TMEM117: variants seen among roughly 807,000 people sequenced by gnomAD.
The protein encoded by TMEM117 is transmembrane protein 117.
TMEM117 carries 27 observed loss-of-function variants against 52.4 expected under a neutral mutation model. The observed-to-expected ratio is 0.51, with a 90% CI of 0.38 to 0.71. The LOEUF (loss-of-function observed/expected upper bound fraction) is 0.71, where lower values mean the gene tolerates loss of function less well. Among genes scored for constraint, TMEM117 ranks in the 30% least tolerant of loss-of-function variants. The pLI is 0.00. For missense variants in TMEM117, 556 were observed against 630.5 expected (o/e 0.88, Z 1.26); for synonymous variants, 215 against 206.3 (o/e 1.04, Z -0.36).
intron 3 of TMEM117, among the ~76,000 whole-genome samples, chr12:44,003,085 T>G (rs1050941607): frequency 3.3e-5 from 5 of 152,200 alleles, no homozygotes; most frequent in Non-Finnish European, 5.9e-5. Context: ...CCCATTCTTC[T>G]GGGAACAGTG....
chr12:44,274,916 C>A (rs1243226004), intron 5 of TMEM117, among the ~76,000 whole-genome samples: 1 of 151,862 alleles, frequency 6.6e-6, no homozygotes, highest in Non-Finnish European at 1.5e-5. Context: ...GGAGTAATAC[C>A]CCAGAAGCAA....
chr12:44,031,776 A>G (rs1404883474), intron 3 of TMEM117, among the ~76,000 whole-genome samples: 1 of 152,202 alleles, frequency 6.6e-6, no homozygotes, highest in Non-Finnish European at 1.5e-5. Context: ...AGTATCCTTA[A>G]TTTATGGCAA....
chr12:44,322,203 C>T (rs558272773), intron 6 of TMEM117, among the ~76,000 whole-genome samples: 22 of 152,270 alleles, frequency 1.4e-4, no homozygotes, highest in Admixed American at 5.2e-4. Flanking sequence ...GTTGTTACTT[C>T]GTAGCATGGC....
intron 7 of TMEM117, among the ~76,000 whole-genome samples, chr12:44,383,230 T>C (rs1952044283): frequency 6.6e-6 from 1 of 152,176 alleles, no homozygotes; most frequent in African/African-American, 2.4e-5. Flanking sequence ...ATTAAAAATA[T>C]TATATTTGCA....
intron 3 of TMEM117, among the ~76,000 whole-genome samples, chr12:44,050,636 T>C (rs898055335): frequency 6.6e-6 from 1 of 152,182 alleles, no homozygotes; most frequent in African/African-American, 2.4e-5. Flanking sequence ...AAATCTAACA[T>C]TGATGAAACA....
intron 2 of TMEM117, among the ~76,000 whole-genome samples, chr12:43,875,896 T>A: frequency 6.6e-6 from 1 of 152,174 alleles, no homozygotes; most frequent in East Asian, 1.9e-4. Flanking sequence ...TCCACAAGCT[T>A]CATCTGGAAA....
intron 5 of TMEM117, among the ~76,000 whole-genome samples, chr12:44,241,599 C>T (rs904642251): frequency 6.6e-6 from 1 of 151,820 alleles, no homozygotes; most frequent in African/African-American, 2.4e-5. Context: ...TTATGAAAAA[C>T]ATTTTCTCTT....
At chr12:43,968,024 T>C (rs1291537957) in intron 3 of TMEM117, among the ~76,000 whole-genome samples, 1 of 152,238 alleles carries the variant, frequency 6.6e-6, no homozygotes, top group Non-Finnish European at 1.5e-5. Context: ...TATTTTCTTC[T>C]ATGTTTATGG....
chr12:44,309,713 T>G (rs1305547574), intron 6 of TMEM117, among the ~76,000 whole-genome samples: 1 of 148,674 alleles, frequency 6.7e-6, no homozygotes, highest in Non-Finnish European at 1.5e-5. Context: ...ACTTTACAAA[T>G]GAGAAGAAAA....
In TMEM117 at chr12:44,081,856, A is replaced by T. The variant is rs17094057; in HGVS notation, c.411-61669A>T. ...AATAAAATCTCATCAGCATAATTTAATGTCACATATACAGTATTAGGTTTT... is the reference window on the plus strand; with the variant it reads ...AATAAAATCTCATCAGCATAATTTATTGTCACATATACAGTATTAGGTTTT... On this transcript the variant is annotated intron_variant, in intron 3 of 7. Transcript: ENST00000266534. Among the ~76,000 whole-genome samples, 357 of 152,176 alleles carry T rather than the reference A, an allele frequency of 2.3e-3. 12 individuals carry two copies. The East Asian group carries it at 0.035, about 15-fold the overall frequency.
At chr12:44,107,807 G>A (rs1358464257) in intron 3 of TMEM117, among the ~76,000 whole-genome samples, 1 of 152,082 alleles carries the variant, frequency 6.6e-6, no homozygotes, top group African/African-American at 2.4e-5. Flanking sequence ...TTTGTGGACA[G>A]ATGGCAAAAA....
chr12:44,181,424 T>G (rs1362811403), intron 4 of TMEM117, among the ~76,000 whole-genome samples: 3 of 151,630 alleles, frequency 2.0e-5, no homozygotes, highest in Non-Finnish European at 4.4e-5. Flanking sequence ...ATGAAGTCCT[T>G]GCCCATGCCT....
intron 5 of TMEM117, among the ~76,000 whole-genome samples, chr12:44,269,384 C>T (rs1007803368): frequency 7.9e-5 from 12 of 151,948 alleles, no homozygotes; most frequent in African/African-American, 2.7e-4. Flanking sequence ...AAAATGTATC[C>T]GTTTCACACA....
intron 5 of TMEM117, among the ~76,000 whole-genome samples, chr12:44,235,987 G>A (rs1233063216): frequency 6.6e-6 from 1 of 151,732 alleles, no homozygotes. Flanking sequence ...TGGCCGCTTA[G>A]TCTGTCCTTT....
At chr12:43,820,851 C>T in the TMEM117 span, among the ~76,000 whole-genome samples, 5 of 151,852 alleles carry the variant, frequency 3.3e-5, no homozygotes, top group African/African-American at 1.2e-4. Context: ...CCTGTAATCC[C>T]AGCACTTTGG....
At chr12:44,041,821 C>G (rs570357804) in intron 3 of TMEM117, among the ~76,000 whole-genome samples, 2 of 152,206 alleles carry the variant, frequency 1.3e-5, no homozygotes, top group Admixed American at 1.3e-4. Flanking sequence ...TAATACAAAT[C>G]AATAAATGTG....
At chr12:44,073,071 A>G (rs766919189) in intron 3 of TMEM117, among the ~76,000 whole-genome samples, 45 of 152,100 alleles carry the variant, frequency 3.0e-4, no homozygotes, top group Middle Eastern at 3.4e-3. Flanking sequence ...GCCTGGCGAC[A>G]GAGCGAGACT....
At chr12:44,177,448 A>G (rs1407687657) in intron 4 of TMEM117, among the ~76,000 whole-genome samples, 1 of 152,094 alleles carries the variant, frequency 6.6e-6, no homozygotes, top group Non-Finnish European at 1.5e-5. Flanking sequence ...TATAATTGGG[A>G]TATTTATTTA....
intron 4 of TMEM117, among the ~76,000 whole-genome samples, chr12:44,172,509 C>T (rs1949060789): frequency 1.3e-5 from 2 of 152,158 alleles, no homozygotes; most frequent in African/African-American, 2.4e-5. Context: ...TATTAGGACA[C>T]CAGTCATATT....
Sources: allele counts gnomAD v4.1 joint callset (sites outside exome capture counted in the v4.1 genomes callset), GRCh38; gene constraint gnomAD v4.1.1; transcripts MANE v1.5; gene names NCBI Gene and HGNC (gene_info 2026-07-23, HGNC 2026-07-21).